The following ANGPT1 variants were observed in gnomAD, a reference collection of about 807,000 sequenced individuals.
ANGPT1 encodes angiopoietin 1.
Under a neutral mutation model 62.2 loss-of-function variants are expected in ANGPT1, and 17 were observed. The ratio of observed to expected loss-of-function variants is 0.27; its 90% confidence interval spans 0.19 to 0.41. ANGPT1 has a LOEUF of 0.41. Ranked by LOEUF, ANGPT1 falls within the 10% of genes least tolerant of loss-of-function variation. ANGPT1 has a pLI of 1.00. For missense variants in ANGPT1, 478 were observed against 594.9 expected (o/e 0.80, Z 2.04); for synonymous variants, 199 against 198.9 (o/e 1.00, Z 0.00).
At position 107,492,509 on chromosome 8, in the gene ANGPT1, G is replaced by A. The variant is rs187636727; in HGVS notation, c.297+4753C>T. Among the ~76,000 whole-genome samples the A allele has an allele frequency of 1.6e-4, 25 of 152,188 alleles. 1 individual carries two copies. The highest frequency in any genetic ancestry group is 6.0e-4 in the African/African-American group (25 of 41,522). ...CACCACCAGGCCCAGCTAAGTTTTT[G>A]TATTTTTAGTAGAGACAGGGTTTCG... is the stretch of plus-strand genomic sequence containing the variant. On this transcript the variant is annotated intron_variant, in intron 1 of 8. Coordinates refer to ENST00000517746, the MANE Select transcript of ANGPT1 (RefSeq NM_001146.5).
chr8:107,326,085 C>T (rs906767398), intron 3 of ANGPT1, among the ~76,000 whole-genome samples: 1 of 152,090 alleles, frequency 6.6e-6, no homozygotes, highest in African/African-American at 2.4e-5. Flanking sequence ...ATCAGACAAC[C>T]TTTAATGCTC....
At chr8:107,454,765 G>A (rs933224588) in intron 1 of ANGPT1, among the ~76,000 whole-genome samples, 6 of 152,014 alleles carry the variant, frequency 3.9e-5, no homozygotes, top group African/African-American at 1.2e-4. Context: ...ACTCACAGTA[G>A]TATTTATTTC....
At chr8:107,347,804 A>G (rs1292201682) in intron 1 of ANGPT1, among the ~76,000 whole-genome samples, 2 of 152,224 alleles carry the variant, frequency 1.3e-5, no homozygotes, top group Non-Finnish European at 2.9e-5. Flanking sequence ...CAACCCATAT[A>G]GCAGTATTTA....
intron 6 of ANGPT1, among the ~76,000 whole-genome samples, chr8:107,290,928 T>G (rs1025831979): frequency 6.6e-6 from 1 of 152,208 alleles, no homozygotes. Context: ...ATCTCTTACT[T>G]AACATGCCTA....
intron 1 of ANGPT1, among the ~76,000 whole-genome samples, chr8:107,478,063 GTT>G (rs146651787): frequency 5.6e-5 from 8 of 143,876 alleles, no homozygotes; most frequent in African/African-American, 7.6e-5. Flanking sequence ...TATTTCTCCT[GTT>G]TTTTTTTTTT....
intron 1 of ANGPT1, among the ~76,000 whole-genome samples, chr8:107,496,229 G>T (rs1813092067): frequency 6.6e-6 from 1 of 152,166 alleles, no homozygotes; most frequent in African/African-American, 2.4e-5. Context: ...TTGAGACATT[G>T]CCTCCCTTCT....
chr8:107,373,020 C>T (rs1816447635), intron 1 of ANGPT1, among the ~76,000 whole-genome samples: 1 of 152,054 alleles, frequency 6.6e-6, no homozygotes, highest in Non-Finnish European at 1.5e-5. Context: ...TATTGTCATG[C>T]TAAAACATTT....
At chr8:107,412,535 A>T (rs1810616898) in intron 1 of ANGPT1, among the ~76,000 whole-genome samples, 1 of 152,172 alleles carries the variant, frequency 6.6e-6, no homozygotes, top group African/African-American at 2.4e-5. Context: ...ATATGTATAC[A>T]TGTATACATT....
intron 7 of ANGPT1, among the ~76,000 whole-genome samples, chr8:107,275,085 T>C (rs1277104320): frequency 1.3e-5 from 2 of 151,980 alleles, no homozygotes; most frequent in African/African-American, 2.4e-5. Context: ...TCTTGAAAAA[T>C]AGAGGTTGAG....
At chr8:107,257,882 T>TG (rs5893830) in intron 8 of ANGPT1, among the ~76,000 whole-genome samples, 27,669 of 92,776 alleles carry the variant, frequency 0.3, 4,335 homozygotes, top group East Asian at 0.39. Flanking sequence ...TTTTGTTTCT[T>TG]TTTTGTTTGT....
At chr8:107,415,811 A>T (rs1810724116) in intron 1 of ANGPT1, among the ~76,000 whole-genome samples, 1 of 152,082 alleles carries the variant, frequency 6.6e-6, no homozygotes, top group African/African-American at 2.4e-5. Context: ...TTTGAAGCCA[A>T]CCTTTCCCTA....
At chr8:107,265,433 G>A (rs1168121367) in intron 7 of ANGPT1, among the ~76,000 whole-genome samples, 2 of 152,174 alleles carry the variant, frequency 1.3e-5, no homozygotes, top group African/African-American at 2.4e-5. Flanking sequence ...TCTGGGCAAC[G>A]TAGTGCTTAG....
chr8:107,347,201 C>A, intron 1 of ANGPT1, 104 bp from the exon 2 acceptor site: 2 of 1,207,654 alleles, frequency 1.7e-6, no homozygotes, highest in Admixed American at 2.1e-5. Flanking sequence ...GGCAAATCAG[C>A]CATCTGGCGG....
chr8:107,468,391 C>A (rs1415413858), intron 1 of ANGPT1, among the ~76,000 whole-genome samples: 1 of 151,944 alleles, frequency 6.6e-6, no homozygotes, highest in Non-Finnish European at 1.5e-5. Flanking sequence ...TCAGATCAAA[C>A]CAGTTGTTAG....
chr8:107,309,064 G>A (rs1563561728), intron 4 of ANGPT1, among the ~76,000 whole-genome samples: 1 of 152,214 alleles, frequency 6.6e-6, no homozygotes, highest in African/African-American at 2.4e-5. Flanking sequence ...AACACTAGCC[G>A]AGAACACAGA....
chr8:107,436,818 A>G (rs1274387810), intron 1 of ANGPT1, among the ~76,000 whole-genome samples: 1 of 152,236 alleles, frequency 6.6e-6, no homozygotes, highest in Non-Finnish European at 1.5e-5. Flanking sequence ...CAAACCACTG[A>G]AGTTTACATA....
chr8:107,403,138 A>G (rs1817078446), intron 1 of ANGPT1, among the ~76,000 whole-genome samples: 1 of 152,140 alleles, frequency 6.6e-6, no homozygotes, highest in South Asian at 2.1e-4. Context: ...TTTATTGTTA[A>G]AACTCTGTTA....
At chr8:107,352,119 A>C (rs933524717) in intron 1 of ANGPT1, among the ~76,000 whole-genome samples, 3 of 152,178 alleles carry the variant, frequency 2.0e-5, no homozygotes, top group African/African-American at 7.2e-5. Context: ...CATCAAACAC[A>C]AGCATATTGT....
chr8:107,285,872 T>C (rs1427803094), intron 6 of ANGPT1, among the ~76,000 whole-genome samples: 1 of 152,016 alleles, frequency 6.6e-6, no homozygotes, highest in African/African-American at 2.4e-5. Flanking sequence ...ATAGAAACTG[T>C]GTTGTATTTG....
Sources: gnomAD v4.1 joint callset for allele counts (sites outside exome capture counted in the v4.1 genomes callset) on GRCh38, gnomAD v4.1.1 for gene constraint, MANE v1.5 for transcripts, NCBI Gene and HGNC (gene_info 2026-07-23, HGNC 2026-07-21) for gene names.